The following FRMPD4 variants were observed in gnomAD, a reference collection of about 807,000 sequenced individuals.
The protein encoded by FRMPD4 is FERM and PDZ domain containing 4.
Under a neutral mutation model 94.1 loss-of-function variants are expected in FRMPD4, and 22 were observed. The observed-to-expected ratio is 0.23, with a 90% confidence interval of 0.17 to 0.33. FRMPD4 has a LOEUF of 0.33. Among genes scored for constraint, FRMPD4 ranks in the 10% least tolerant of loss-of-function variants. The pLI, the probability that FRMPD4 is intolerant of heterozygous loss-of-function variation, is 1.00. For missense variants in FRMPD4, 1,111 were observed against 1,339.9 expected (o/e 0.83, Z 2.67); for synonymous variants, 631 against 548.6 (o/e 1.15, Z -2.10).
At chrX:12,144,781 AAATAT>A (rs1356306977) in intron 1 of FRMPD4, among the ~76,000 whole-genome samples, 3 of 107,249 alleles carry the variant, frequency 2.8e-5, no homozygotes, top group Admixed American at 1.0e-4. Context: ...TATATATATA[AAATAT>A]AATATATATA....
Position 12,160,068 on chromosome X carries a change from G to T in FRMPD4, c.41+21056G>T, listed in dbSNP as rs199579416. 8.6e-4 allele frequency among the ~76,000 whole-genome samples: 86 copies of T among 100,083 alleles called. No homozygotes were observed. The East Asian group carries it at 0.026, about 30-fold the overall frequency. 86.9% of individuals were successfully genotyped at this position (100,083 alleles called of 115,157 possible). ...ACTGAGGTAGCTGTAGATGTTGAGG[G>T]GTGTGTGTGTGTGTGTGTGTGTGTG... On this transcript the variant is annotated intron_variant, in intron 1 of 16. Coordinates refer to ENST00000675598, the MANE Select transcript of FRMPD4 (RefSeq NM_001368397.1).
intron 3 of FRMPD4, among the ~76,000 whole-genome samples, chrX:12,049,217 T>G: frequency 8.9e-6 from 1 of 111,739 alleles, no homozygotes; most frequent in Middle Eastern, 4.6e-3. Flanking sequence ...TCGTTAGATG[T>G]CTTCCTAGGT....
chrX:12,207,631 G>A (rs770226244), intron 1 of FRMPD4, among the ~76,000 whole-genome samples: 16 of 108,283 alleles, frequency 1.5e-4, no homozygotes, highest in Admixed American at 3.0e-4. Flanking sequence ...TCTGCTGAGC[G>A]TGCTTCCCAG....
At position 12,199,237 on chromosome X, in the gene FRMPD4, A is replaced by ATGTGTGTGTG. The variant is rs5901464; in HGVS notation, c.41+60249_41+60258dup. ...GACAATTTAAATGTTAGAAAGGAAA[A>ATGTGTGTGTG]TGTGTGTGTGTGTGTGTGTGTGTGT... is the stretch of plus-strand genomic sequence containing the variant. On this transcript the variant is annotated intron_variant, in intron 1 of 16. Transcript: ENST00000675598. 1.3e-3 allele frequency among the ~76,000 whole-genome samples: 120 copies of ATGTGTGTGTG among 91,274 alleles called. 1 individual carries two copies. The highest frequency in any genetic ancestry group is 2.7e-3 in the African/African-American group (66 of 24,077). The allele number at this position is 91,274 out of a possible 115,157, so 79.3% of individuals were successfully genotyped here. A position where few individuals can be genotyped will look rare whatever the true frequency, so the allele number is the denominator to read the frequency against.
At chrX:11,871,040 A>G (rs2053753507) in intron 2 of FRMPD4, among the ~76,000 whole-genome samples, 2 of 112,595 alleles carry the variant, frequency 1.8e-5, no homozygotes, top group South Asian at 7.3e-4. Flanking sequence ...GCAAGCACCT[A>G]TGGCTTTGCC....
At chrX:12,297,757 C>T (rs1210335463) in intron 1 of FRMPD4, among the ~76,000 whole-genome samples, 1 of 111,350 alleles carries the variant, frequency 9.0e-6, no homozygotes, top group Admixed American at 9.5e-5. Flanking sequence ...TAAATAGAAA[C>T]AAAGAATGGC....
intron 1 of FRMPD4, among the ~76,000 whole-genome samples, chrX:12,338,691 A>G (rs192599859): frequency 1.6e-3 from 177 of 112,850 alleles, no homozygotes; most frequent in African/African-American, 5.1e-3. Flanking sequence ...TACTACCTGG[A>G]GGAGCTTTGG....
chrX:12,259,469 A>T (rs982575360), intron 1 of FRMPD4, among the ~76,000 whole-genome samples: 1 of 111,600 alleles, frequency 9.0e-6, no homozygotes, highest in East Asian at 2.8e-4. Flanking sequence ...AGCTAGGAAG[A>T]TGTAAGGAGG....
intron 9 of FRMPD4, among the ~76,000 whole-genome samples, chrX:12,700,086 G>A (rs1311192607): frequency 9.0e-6 from 1 of 111,576 alleles, no homozygotes. Flanking sequence ...ATATTTTTAG[G>A]TTTTAAGGCT....
chrX:12,645,347 C>CTTTTTTTTTTTTT lies in FRMPD4; in HGVS notation c.423-29503_423-29491dup, dbSNP rs138817056. ...TCAGGTAGTTTTTAACACTCTCACTCTTTTTTTTTTTTTTTTTTTTTTTTT... is the reference window on the plus strand; with the variant it reads ...TCAGGTAGTTTTTAACACTCTCACTCTTTTTTTTTTTTTTTTTTTTTTTTTTTTTTTTTTTTTT... On this transcript the variant is annotated intron_variant, in intron 4 of 16. Transcript: ENST00000675598. Among the ~76,000 whole-genome samples, 7 of 55,642 alleles carry CTTTTTTTTTTTTT rather than the reference C, an allele frequency of 1.3e-4. 1 individual carries two copies. The highest frequency in any genetic ancestry group is 6.0e-4 in the African/African-American group (7 of 11,595). 48.3% of individuals were successfully genotyped at this position (55,642 alleles called of 115,157 possible).
chrX:11,955,547 C>T (rs887242993), intron 3 of FRMPD4, among the ~76,000 whole-genome samples: 14 of 109,428 alleles, frequency 1.3e-4, no homozygotes, highest in Non-Finnish European at 2.1e-4. Flanking sequence ...GTCAGGAGAT[C>T]GAGACCACGG....
At chrX:12,530,116 C>G (rs1482214982) in intron 2 of FRMPD4, among the ~76,000 whole-genome samples, 1 of 111,927 alleles carries the variant, frequency 8.9e-6, no homozygotes, top group African/African-American at 3.2e-5. Context: ...TCCTTTGACA[C>G]TCTTGTTTCC....
intron 1 of FRMPD4, among the ~76,000 whole-genome samples, chrX:12,218,802 C>T (rs2056834643): frequency 1.8e-5 from 2 of 112,188 alleles, no homozygotes; most frequent in Middle Eastern, 9.3e-3. Context: ...CAGTTGGGGG[C>T]CTGTGAATTA....
intron 1 of FRMPD4, among the ~76,000 whole-genome samples, chrX:12,338,439 A>G (rs920943516): frequency 1.8e-4 from 20 of 112,623 alleles, no homozygotes; most frequent in African/African-American, 6.4e-4. Flanking sequence ...CATTATAGGC[A>G]TTGATTGAGC....
At chrX:12,201,246 T>C (rs1243582065) in intron 1 of FRMPD4, among the ~76,000 whole-genome samples, 1 of 112,742 alleles carries the variant, frequency 8.9e-6, no homozygotes, top group African/African-American at 3.2e-5. Flanking sequence ...TTCTGTACTT[T>C]CACAGCATTT....
intron 2 of FRMPD4, among the ~76,000 whole-genome samples, chrX:11,865,682 T>C (rs760053050): frequency 1.8e-5 from 2 of 112,078 alleles, no homozygotes; most frequent in African/African-American, 6.5e-5. Context: ...CCAGGTTTGT[T>C]TGTCTCTCTC....
At chrX:12,477,736 C>A (rs1363905192) in intron 1 of FRMPD4, among the ~76,000 whole-genome samples, 1 of 112,767 alleles carries the variant, frequency 8.9e-6, no homozygotes, top group East Asian at 2.8e-4. Flanking sequence ...TCATTACATG[C>A]AAGTATAATT....
chrX:12,274,386 G>A lies in FRMPD4; in HGVS notation c.41+135374G>A, dbSNP rs150181102. Among the ~76,000 whole-genome samples the A allele has an allele frequency of 4.2e-3, 474 of 111,707 alleles. 2 individuals carry two copies. Among genetic ancestry groups the A allele is most frequent in the African/African-American group, 0.014 (440 of 30,693 alleles). On this transcript the variant is annotated intron_variant, in intron 1 of 16. Transcript: ENST00000675598. ...TCATTAGCCTCACAGTCAATTCACTGTGGAATAAAAATAGGCTATTTTACT... is the reference window on the plus strand; with the variant it reads ...TCATTAGCCTCACAGTCAATTCACTATGGAATAAAAATAGGCTATTTTACT...
At chrX:12,492,814 G>A (rs1035754559) in intron 1 of FRMPD4, among the ~76,000 whole-genome samples, 4 of 112,066 alleles carry the variant, frequency 3.6e-5, no homozygotes, top group African/African-American at 1.3e-4. Context: ...GCTGCTACCT[G>A]TTGTATGAGA....
Sources: allele counts gnomAD v4.1 joint callset (sites outside exome capture counted in the v4.1 genomes callset), GRCh38; gene constraint gnomAD v4.1.1; transcripts MANE v1.5; gene names NCBI Gene and HGNC (gene_info 2026-07-23, HGNC 2026-07-21).